MOSPD1: variants seen among roughly 807,000 people sequenced by gnomAD.
MOSPD1 encodes the protein motile sperm domain containing 1.
In MOSPD1, 5 loss-of-function variants were observed where a neutral mutation model predicts 16.7. The ratio of observed to expected loss-of-function variants is 0.30; its 90% CI spans 0.16 to 0.63. The LOEUF is 0.63. Ranked by LOEUF, MOSPD1 falls within the 30% of genes least tolerant of loss-of-function variation. The pLI is 0.82. For synonymous variants in MOSPD1, 67 were observed against 59.2 expected (o/e 1.13, Z -0.61); for missense variants, 104 against 153.6 (o/e 0.68, Z 1.71).
chrX:134,897,021 G>A lies in MOSPD1; in HGVS notation c.244C>T (p.Arg82Ter). The A allele has an allele frequency of 1.7e-6, 2 of 1,198,769 alleles. No individual in the cohort carries two copies. Among genetic ancestry groups the A allele is most frequent in the East Asian group, 3.0e-5 (1 of 33,621 alleles). ...QCCVDIVIRH[R>*]DVRSCHYGVI... ...CCATAGTGACAGGATCGAACATCTC[G>A]ATGACGAATCACACTGAAAACAGCA... is the stretch of plus-strand genomic sequence containing the variant. Residue 82 changes from arginine to a stop codon, truncating the protein, a stop_gained, in exon 4 of 6, where the codon CGA becomes TGA. Transcript: ENST00000370783. LOFTEE classifies it high-confidence loss of function.
In MOSPD1 at chrX:134,904,573, G is replaced by A. The variant is rs781595619; in HGVS notation, c.-101-5039C>T. 3.6e-4 allele frequency among the ~76,000 whole-genome samples: 40 copies of A among 111,607 alleles called. No homozygotes were observed. The Admixed American group carries it at 3.8e-3, about 11-fold the overall frequency. ...TTTTTGTTGTTAATAGCAAAAGACT[G>A]GAAACAAGCCAGGGGAGGTGGCTCA... On this transcript the variant is annotated intron_variant, in intron 1 of 5. Coordinates refer to ENST00000370783, the MANE Select transcript of MOSPD1 (RefSeq NM_019556.3).
chrX:134,903,751 T>C (rs1247327624), intron 1 of MOSPD1, among the ~76,000 whole-genome samples: 9 of 106,892 alleles, frequency 8.4e-5, no homozygotes, highest in Non-Finnish European at 1.7e-4. Context: ...AAAGAAACTG[T>C]TCCTGAAGGC....
At chrX:134,897,564 A>G (rs1306138751) in intron 3 of MOSPD1, among the ~76,000 whole-genome samples, 10 of 74,629 alleles carry the variant, frequency 1.3e-4, no homozygotes, top group Non-Finnish European at 2.2e-4. Context: ...AAAAAAAAAA[A>G]AAAAGAAAGA....
intron 5 of MOSPD1, 135 bp from the exon 6 acceptor site, chrX:134,889,327 C>A: frequency 2.6e-6 from 1 of 377,673 alleles, no homozygotes; most frequent in South Asian, 1.1e-4. Context: ...AACCCAAAGT[C>A]AATTTGAATT....
rs752848965 is a variant in MOSPD1, at chrX:134,890,582, G to A, written c.610+897C>T. On this transcript the variant is annotated intron_variant, in intron 5 of 5. Transcript: ENST00000370783. ...CTAGCACTTTGGGAGGCTGAGTTGG[G>A]CGGATCACCTGAGGTCGGGAGTTCG... is the stretch of plus-strand genomic sequence containing the variant. Among the ~76,000 whole-genome samples, 12 of 110,954 alleles carry A rather than the reference G, an allele frequency of 1.1e-4. No individual in the cohort carries two copies. The East Asian group carries it at 2.8e-3, about 26-fold the overall frequency.
chrX:134,894,685 G>C (rs1304219469), intron 4 of MOSPD1, among the ~76,000 whole-genome samples: 1 of 111,717 alleles, frequency 9.0e-6, no homozygotes, highest in African/African-American at 3.3e-5. Context: ...ATGGGGCTCT[G>C]CTGTGGTATC....
chrX:134,896,847 T>C lies in MOSPD1; in HGVS notation c.418A>G (p.Ser140Gly). 3.3e-6 allele frequency: 4 copies of C among 1,209,748 alleles called. No homozygotes were observed. Among genetic ancestry groups the C allele is most frequent in the Non-Finnish European group, 3.4e-6 (3 of 894,842 alleles). ...EKRLKEHLTESLFFEQSFQPE... is the reference protein window; with the variant it reads ...EKRLKEHLTEGLFFEQSFQPE... The stretch of plus-strand genomic sequence containing the variant: ...TGAAACGACTGCTCAAAAAATAAAC[T>C]TTCAGTTAAATGTTCCTTTAATCTT... The change falls in exon 4 of 6, where the codon AGT (serine) becomes GGT (glycine). Residue 140 changes from serine to glycine, a missense_variant. Ser to Gly is a moderately conservative substitution (Grantham distance 56). Coordinates refer to ENST00000370783, the MANE Select transcript of MOSPD1 (RefSeq NM_019556.3).
intron 1 of MOSPD1, 112 bp from the exon 2 acceptor site, chrX:134,899,646 C>T (rs1191008980): frequency 9.6e-6 from 3 of 311,861 alleles, no homozygotes; most frequent in East Asian, 5.4e-5. Context: ...GCCCCTGAAT[C>T]GGCCAGGTGC....
chrX:134,903,207 G>GT (rs2082921237), intron 1 of MOSPD1, among the ~76,000 whole-genome samples: 2 of 109,845 alleles, frequency 1.8e-5, no homozygotes, highest in South Asian at 7.5e-4. Context: ...GCTAAATCAG[G>GT]TATCTATCTA....
rs150835348 is a variant in MOSPD1, at chrX:134,910,121, T to C, written c.-102+5061A>G. On this transcript the variant is annotated intron_variant, in intron 1 of 5. Transcript: ENST00000370783. ...CAGAAGTTTTAGAATCACAAATTCA[T>C]GGCCGGGCGCAGTGACTCACGCCTA... Among the ~76,000 whole-genome samples, 197 of 111,629 alleles carry C rather than the reference T, an allele frequency of 1.8e-3. 1 individual carries two copies. The highest frequency in any genetic ancestry group is 6.1e-3 in the African/African-American group (187 of 30,759).
intron 4 of MOSPD1, among the ~76,000 whole-genome samples, chrX:134,894,994 C>T (rs1448853937): frequency 1.8e-5 from 2 of 112,261 alleles, no homozygotes; most frequent in Admixed American, 9.5e-5. Context: ...TATCCTCATT[C>T]ATCTGCCTAC....
At chrX:134,911,079 G>A (rs1569469775) in intron 1 of MOSPD1, among the ~76,000 whole-genome samples, 2 of 111,950 alleles carry the variant, frequency 1.8e-5, no homozygotes, top group African/African-American at 6.5e-5. Context: ...GCCCAGGCTG[G>A]TCTTGAACTC....
rs909369535 is a variant in MOSPD1, at chrX:134,904,400, C to T, written c.-101-4866G>A. 8.0e-5 allele frequency among the ~76,000 whole-genome samples: 9 copies of T among 112,217 alleles called. 1 individual carries two copies. Among genetic ancestry groups the T allele is most frequent in the African/African-American group, 2.3e-4 (7 of 30,862 alleles). ...TGCACATAGCCTCAGTTCCAGAGAT[C>T]GTACGTCTAGGGATTTATCTGGCAT... On this transcript the variant is annotated intron_variant, in intron 1 of 5. Transcript: ENST00000370783.
rs1162660249 is a variant in MOSPD1, at chrX:134,888,485, CAAAG to C, written c.*672_*675del. 2 of 110,489 alleles carry C rather than the reference CAAAG, an allele frequency of 1.8e-5. No individual in the cohort carries two copies. Among genetic ancestry groups the C allele is most frequent in the Non-Finnish European group, 3.8e-5 (2 of 52,645 alleles). 9.1% of individuals were successfully genotyped at this position (110,489 alleles called of 1,213,427 possible). A position where few individuals can be genotyped will look rare whatever the true frequency, so the allele number is the denominator to read the frequency against. ...CTACCTTCCTTTAGAACTCTTAGAC[CAAAG>C]AGAGAGGTCACCCTACTTCTATTAG... On this transcript the variant is annotated 3_prime_UTR_variant, in exon 6 of 6. Transcript: ENST00000370783.
chrX:134,909,997 A>G (rs1411424840), intron 1 of MOSPD1, among the ~76,000 whole-genome samples: 2 of 112,080 alleles, frequency 1.8e-5, no homozygotes, highest in African/African-American at 3.2e-5. Flanking sequence ...TGTTGTTTCC[A>G]TGTTTTACAA....
At chrX:134,898,986 T>C (rs2082898955) in intron 3 of MOSPD1, 104 bp downstream of exon 3, 2 of 684,985 alleles carry the variant, frequency 2.9e-6, no homozygotes, top group South Asian at 6.8e-5. Context: ...ATATAATAAA[T>C]GCCTATGTGA....
chrX:134,891,045 A>G (rs1474626757), intron 5 of MOSPD1, among the ~76,000 whole-genome samples: 1 of 111,780 alleles, frequency 8.9e-6, no homozygotes, highest in Non-Finnish European at 1.9e-5. Flanking sequence ...TAGTTTAAAG[A>G]GAAAGGTTCT....
At chrX:134,908,865 C>G (rs753354507) in intron 1 of MOSPD1, among the ~76,000 whole-genome samples, 66 of 112,159 alleles carry the variant, frequency 5.9e-4, no homozygotes, top group African/African-American at 2.1e-3. Flanking sequence ...TTGAGATAAA[C>G]AGGAATCCAT....
chrX:134,905,106 T>A (rs1389574137), intron 1 of MOSPD1, among the ~76,000 whole-genome samples: 3 of 110,020 alleles, frequency 2.7e-5, no homozygotes, highest in Non-Finnish European at 5.7e-5. Context: ...ACGCCTGTAA[T>A]CCCAGCACTT....
Sources: gnomAD v4.1 joint callset for allele counts (sites outside exome capture counted in the v4.1 genomes callset) on GRCh38, gnomAD v4.1.1 for gene constraint, MANE v1.5 for transcripts, NCBI Gene and HGNC (gene_info 2026-07-23, HGNC 2026-07-21) for gene names.